Variants in BCHE observed in about 807,000 individuals in gnomAD.
BCHE encodes butyrylcholinesterase.
Under a neutral mutation model 51.3 loss-of-function variants are expected in BCHE, and 48 were observed. The observed-to-expected ratio is 0.94, with a 90% CI of 0.74 to 1.19. The LOEUF (loss-of-function observed/expected upper bound fraction) is 1.19, where lower values mean the gene tolerates loss of function less well. Ranked by LOEUF, BCHE falls within the 50% of genes most tolerant of loss-of-function variation. The pLI is 0.00. For missense variants in BCHE, 847 were observed against 708.2 expected, an observed-to-expected ratio of 1.20 and a Z score of -2.23; for synonymous variants, 251 against 238.0, an observed-to-expected ratio of 1.05 and a Z score of -0.50.
intron 2 of BCHE, among the ~76,000 whole-genome samples, chr3:165,799,876 T>C (rs569678267): frequency 1.3e-5 from 2 of 152,134 alleles, no homozygotes; most frequent in African/African-American, 2.4e-5. Flanking sequence ...CTACCTACCA[T>C]ATAAAATGCC....
At chr3:165,836,419 C>T (rs1416645332) in intron 1 of BCHE, among the ~76,000 whole-genome samples, 2 of 151,644 alleles carry the variant, frequency 1.3e-5, no homozygotes, top group Non-Finnish European at 1.5e-5. Flanking sequence ...AGTTTATTAT[C>T]ATGAAATATA....
In BCHE at chr3:165,800,028, A is replaced by ATTG. The variant is rs555482036; in HGVS notation, c.1518-13718_1518-13717insCAA. On this transcript the variant is annotated intron_variant, in intron 2 of 3. Transcript: ENST00000264381. ...TTATTTCTCATGGAACTACTTTATT[A>ATTG]GCGTGCAATTAGAAGTATTTTATAA... Among the ~76,000 whole-genome samples the ATTG allele has an allele frequency of 3.5e-3, 259 of 73,002 alleles. 2 individuals are homozygous for ATTG. Among genetic ancestry groups the ATTG allele is most frequent in the African/African-American group, 0.012 (247 of 21,166 alleles). The allele number at this position is 73,002 out of a possible 152,430, so 47.9% of individuals were successfully genotyped here. A position where few individuals can be genotyped will look rare whatever the true frequency, so the allele number is the denominator to read the frequency against.
rs572278803 is a variant in BCHE at position 165,808,725 on chromosome 3, CCACTG to C, written c.1517+20787_1517+20791del. On this transcript the variant is annotated intron_variant, in intron 2 of 3. Transcript: ENST00000264381. ...GGCTGAAGTGAGAGCCATGATTGCA[CCACTG>C]CACCCCAGCCTGGGAGACAGAGCAA... Among the ~76,000 whole-genome samples the C allele has an allele frequency of 4.6e-5, 7 of 152,042 alleles. No individual in the cohort carries two copies. The South Asian group carries it at 6.2e-4, about 14-fold the overall frequency.
At chr3:165,834,209 A>G (rs957878484) in intron 1 of BCHE, among the ~76,000 whole-genome samples, 1 of 60,916 alleles carries the variant, frequency 1.6e-5, no homozygotes, top group Non-Finnish European at 4.4e-5. Context: ...ATATCTTCCC[A>G]TGTCACTTAA....
rs868346659 is a variant in BCHE at position 165,829,570 on chromosome 3, C to T, written c.1464G>A (p.Glu488=). 8 of 1,613,774 alleles carry T rather than the reference C, an allele frequency of 5.0e-6. No homozygotes were observed. The highest frequency in any genetic ancestry group is 3.3e-4 in the Middle Eastern group (2 of 6,060). The part of the protein sequence containing the change: ...LERRDNYTKA[E]EILSRSIVKR... ...TCACTATGGATCTACTCAAAATTTC[C>T]TCGGCTTTTGTGTAATTATCTCTTC... Residue 488 remains glutamate (E), a synonymous_variant, in exon 2 of 4, where the codon GAG becomes GAA. Transcript: ENST00000264381.
chr3:165,778,093 C>A (rs1385310828), intron 3 of BCHE, among the ~76,000 whole-genome samples: 1 of 151,886 alleles, frequency 6.6e-6, no homozygotes, highest in African/African-American at 2.4e-5. Context: ...TGCCCCTAAC[C>A]CCCAGATTGT....
chr3:165,778,395 A>G (rs1352553603), intron 3 of BCHE: 2 of 170,156 alleles, frequency 1.2e-5, no homozygotes, highest in Non-Finnish European at 2.6e-5. Context: ...GACAAAGGTA[A>G]AAAAGAATAA....
At chr3:165,789,376 G>C (rs1249049707) in intron 2 of BCHE, among the ~76,000 whole-genome samples, 1 of 151,720 alleles carries the variant, frequency 6.6e-6, no homozygotes. Context: ...GCACATAGTT[G>C]ATAACTCATT....
chr3:165,780,519 A>C (rs1168989208), intron 3 of BCHE, among the ~76,000 whole-genome samples: 1 of 152,176 alleles, frequency 6.6e-6, no homozygotes, highest in African/African-American at 2.4e-5. Context: ...CATCTGACAA[A>C]GTTCTAATAT....
chr3:165,813,977 G>A (rs1249416288), intron 2 of BCHE, among the ~76,000 whole-genome samples: 1 of 151,874 alleles, frequency 6.6e-6, no homozygotes, highest in Non-Finnish European at 1.5e-5. Flanking sequence ...AGCAAGATTA[G>A]GATTTGTACA....
At position 165,829,965 on chromosome 3, in the gene BCHE, A is replaced by C. The variant is rs781476667; in HGVS notation, c.1069T>G (p.Phe357Val). The part of the protein sequence containing the change: ...VGVNKDEGTA[F>V]LVYGAPGFSK... ...AAGCCAGGAGCACCATAGACTAAAA[A>C]AGCTGTCCCTTCATCTTTATTAACA... Residue 357 changes from phenylalanine (F) to valine (V), a missense_variant, in exon 2 of 4, where the codon TTT (phenylalanine) becomes GTT (valine). By Grantham distance (50) the Phe-to-Val change is conservative. Coordinates refer to ENST00000264381, the MANE Select transcript of BCHE (RefSeq NM_000055.4). The C allele has an allele frequency of 8.1e-6, 13 of 1,613,816 alleles. No individual in the cohort carries two copies. Among genetic ancestry groups the C allele is most frequent in the South Asian group, 1.1e-5 (1 of 91,076 alleles).
rs146167718 is a variant in BCHE, at chr3:165,811,175, A to G, written c.1517+18342T>C. Among the ~76,000 whole-genome samples the G allele has an allele frequency of 5.6e-4, 85 of 152,272 alleles. No individual in the cohort carries two copies. The East Asian group carries it at 0.015, about 26-fold the overall frequency. ...AAGAATCGAAACTATCTTGCTCAGA[A>G]GTGAAAAAGTAAAATTATAGGTGAA... is the stretch of plus-strand genomic sequence containing the variant. On this transcript the variant is annotated intron_variant, in intron 2 of 3. Coordinates refer to ENST00000264381, the MANE Select transcript of BCHE (RefSeq NM_000055.4).
chr3:165,778,203 A>G (rs1039391777), intron 3 of BCHE: 1 of 152,838 alleles, frequency 6.5e-6, no homozygotes, highest in Admixed American at 6.5e-5. Context: ...AAACAAGAAA[A>G]AGCCAGTTTA....
At chr3:165,794,974 TG>T (rs1713313142) in intron 2 of BCHE, among the ~76,000 whole-genome samples, 1 of 152,170 alleles carries the variant, frequency 6.6e-6, no homozygotes, top group Admixed American at 6.5e-5. Flanking sequence ...TCATGTCCAG[TG>T]CCTATCATAA....
chr3:165,830,964 C>G lies in BCHE; in HGVS notation c.70G>C (p.Gly24Arg). The G allele has an allele frequency of 6.2e-7, 1 of 1,613,644 alleles. No individual in the cohort carries two copies. The highest frequency in any genetic ancestry group is 2.2e-5 in the East Asian group (1 of 44,844). ...ATGTCATCTTCAGTATGTGACTTCC[C>G]AATAAGCATGCAGAGCAAAAGAAAC... Reference protein sequence around the residue: ...FWFLLLCMLIGKSHTEDDIII... With the variant: ...FWFLLLCMLIRKSHTEDDIII... Residue 24 changes from glycine (G) to arginine (R), a missense_variant, in exon 2 of 4, where the codon GGG (glycine) becomes CGG (arginine). Gly to Arg is a moderately radical substitution (Grantham distance 125). Coordinates refer to ENST00000264381, the MANE Select transcript of BCHE (RefSeq NM_000055.4).
At chr3:165,802,108 A>G (rs1337352273) in intron 2 of BCHE, among the ~76,000 whole-genome samples, 1 of 152,156 alleles carries the variant, frequency 6.6e-6, no homozygotes, top group Non-Finnish European at 1.5e-5. Context: ...TGTATGCTGC[A>G]TGGTTTGGAA....
chr3:165,774,491 A>T (rs1054771258), intron 3 of BCHE, among the ~76,000 whole-genome samples: 1 of 151,750 alleles, frequency 6.6e-6, no homozygotes, highest in African/African-American at 2.4e-5. Flanking sequence ...GTGCACCACC[A>T]TGTTTGGCTA....
intron 2 of BCHE, among the ~76,000 whole-genome samples, chr3:165,811,440 G>GTA (rs1481121118): frequency 6.6e-6 from 1 of 151,340 alleles, no homozygotes; most frequent in Non-Finnish European, 1.5e-5. Context: ...GTAAGTGTGT[G>GTA]TGTGGAATGA....
intron 2 of BCHE, among the ~76,000 whole-genome samples, chr3:165,825,579 T>A (rs954100717): frequency 2.6e-5 from 4 of 152,022 alleles, no homozygotes; most frequent in African/African-American, 9.7e-5. Flanking sequence ...TACTTTAAGT[T>A]TTAGGGTACA....
Sources: gnomAD v4.1 joint callset for allele counts (sites outside exome capture counted in the v4.1 genomes callset) on GRCh38, gnomAD v4.1.1 for gene constraint, MANE v1.5 for transcripts, NCBI Gene and HGNC (gene_info 2026-07-23, HGNC 2026-07-21) for gene names.